Variants in HMCN2 observed in about 807,000 individuals in gnomAD.
The protein encoded by HMCN2 is hemicentin 2.
Under a neutral mutation model 377.5 loss-of-function variants are expected in HMCN2, and 325 were observed. The observed-to-expected ratio is 0.86, with a 90% CI of 0.79 to 0.94. The LOEUF (loss-of-function observed/expected upper bound fraction) is 0.94, where lower values mean the gene tolerates loss of function less well. Ranked by LOEUF, HMCN2 falls within the 40% of genes least tolerant of loss-of-function variation. The pLI, the probability that HMCN2 is intolerant of heterozygous loss-of-function variation, is 0.00. For synonymous variants in HMCN2, 2,007 were observed against 2,046.8 expected (o/e 0.98, Z 0.53); for missense variants, 4,543 against 4,725.3 (o/e 0.96, Z 1.13).
intron 14 of HMCN2, among the ~76,000 whole-genome samples, chr9:130,307,896 C>T (rs556097544): frequency 1.1e-4 from 17 of 152,170 alleles, no homozygotes; most frequent in East Asian, 1.9e-4. Flanking sequence ...AGGTTGGTTG[C>T]GTGAAGATTA....
intron 1 of HMCN2, among the ~76,000 whole-genome samples, chr9:130,278,008 AT>A (rs1834869419): frequency 2.2e-5 from 1 of 45,588 alleles, no homozygotes; most frequent in Non-Finnish European, 3.7e-5. Context: ...CACCACCACC[AT>A]CATCATCACC....
intron 72 of HMCN2, 32 bp downstream of exon 72, chr9:130,396,097 C>CCCCCCCCCAAA: frequency 1.6e-6 from 2 of 1,237,032 alleles, no homozygotes; most frequent in Non-Finnish European, 1.0e-6. Flanking sequence ...CCACCCTGCC[C>CCCCCCCCCAAA]ACCTTACCCC....
intron 48 of HMCN2, among the ~76,000 whole-genome samples, chr9:130,373,435 C>T (rs1042418902): frequency 2.0e-5 from 3 of 152,246 alleles, no homozygotes; most frequent in African/African-American, 7.2e-5. Flanking sequence ...CTTCCCTGTC[C>T]TAGCACTGAC....
chr9:130,403,935 C>A, intron 80 of HMCN2, 60 bp downstream of exon 80: 3 of 1,250,326 alleles, frequency 2.4e-6, no homozygotes, highest in Non-Finnish European at 3.1e-6. Flanking sequence ...GAGGCTTCTG[C>A]AAGCTTCTCC....
Position 130,309,969 on chromosome 9 carries a change from C to T in HMCN2, c.2258C>T (p.Pro753Leu), listed in dbSNP as rs375929663. The T allele has an allele frequency of 1.1e-4, 60 of 530,530 alleles. No homozygotes were observed. Among genetic ancestry groups the T allele is most frequent in the Non-Finnish European group, 1.8e-4 (46 of 258,270 alleles). 32.9% of individuals were successfully genotyped at this position (530,530 alleles called of 1,614,324 possible). ...TCCAGCTCTGGGAAGCTGCGGATCCCGGCGGCTCAGGAGAGGGATGCTGGC... is the reference window on the plus strand; with the variant it reads ...TCCAGCTCTGGGAAGCTGCGGATCCTGGCGGCTCAGGAGAGGGATGCTGGC... ...EGSSSGKLRI[P>L]AAQERDAGTY... The change falls in exon 15 of 98, where the codon CCG becomes CTG. Residue 753 changes from proline to leucine, a missense_variant. By Grantham distance (98) the Pro-to-Leu change is moderately conservative. Around this residue, in one of 5 missense-constraint regions of HMCN2, gnomAD observed 547 missense variants for 189.9 expected, o/e 2.88. Transcript: ENST00000683500.
Position 130,428,216 on chromosome 9 carries a change from T to C in HMCN2, c.14066-142T>C. The C allele has an allele frequency of 1.0e-6, 1 of 954,192 alleles. No individual in the cohort carries two copies. Among genetic ancestry groups the C allele is most frequent in the Non-Finnish European group, 1.5e-6 (1 of 674,916 alleles). 59.1% of individuals were successfully genotyped at this position (954,192 alleles called of 1,614,324 possible). ...TAGGGAGCAAGACAATGGAAAGAGC[T>C]AGCAGAAGGGGTGGGGACCTTCCTG... On this transcript the variant is annotated intron_variant, in intron 92 of 97. Coordinates refer to ENST00000683500, the MANE Select transcript of HMCN2 (RefSeq NM_001291815.2). The surrounding 1 kb of genome is among the most constrained non-coding windows in gnomAD (Gnocchi z 5.0).
chr9:130,367,323 G>T (rs11243726), intron 43 of HMCN2, among the ~76,000 whole-genome samples: 3,365 of 152,242 alleles, frequency 0.022, 42 homozygotes, highest in Middle Eastern at 0.061. Flanking sequence ...CTAGGAAGCA[G>T]CCTGGGAGTA....
At chr9:130,329,975 C>A (rs886103921) in intron 22 of HMCN2, among the ~76,000 whole-genome samples, 3,024 of 151,472 alleles carry the variant, frequency 0.02, 42 homozygotes, top group Middle Eastern at 0.038. Flanking sequence ...CCCCTCCCCC[C>A]CTTCCCTACA....
Position 130,360,453 on chromosome 9 carries a change from A to G in HMCN2, c.5799A>G (p.Gln1933=), listed in dbSNP as rs1011005142. 23 of 1,301,834 alleles carry G rather than the reference A, an allele frequency of 1.8e-5. No homozygotes were observed. The East Asian group carries it at 7.8e-4, about 44-fold the overall frequency. 80.6% of individuals were successfully genotyped at this position (1,301,834 alleles called of 1,614,324 possible). A position where few individuals can be genotyped will look rare whatever the true frequency, so the allele number is the denominator to read the frequency against. Residue 1933 remains glutamine, a synonymous_variant, in exon 38 of 98, where the codon CAA becomes CAG. Coordinates refer to ENST00000683500, the MANE Select transcript of HMCN2 (RefSeq NM_001291815.2). This position sits in a 1 kb window ranked among gnomAD's most constrained non-coding sequence, Gnocchi z 4.7. ...PPDVSWFKGH[Q]PVSSWMGVTV... ...ATGTCTCCTGGTTCAAGGGCCACCAACCTGTCTCTTCATGGATGGGAGTGA... is the reference window on the plus strand; with the variant it reads ...ATGTCTCCTGGTTCAAGGGCCACCAGCCTGTCTCTTCATGGATGGGAGTGA...
chr9:130,280,627 T>G (rs1410361129), intron 1 of HMCN2, among the ~76,000 whole-genome samples: 1 of 152,132 alleles, frequency 6.6e-6, no homozygotes, highest in East Asian at 1.9e-4. Flanking sequence ...TTCTGAAAAT[T>G]TGCTCACACT....
chr9:130,424,835 G>A lies in HMCN2; in HGVS notation c.13441G>A (p.Glu4481Lys). 6.6e-7 allele frequency: 1 copy of A among 1,511,960 alleles called. No individual in the cohort carries two copies. The highest frequency in any genetic ancestry group is 8.9e-7 in the Non-Finnish European group (1 of 1,125,776). 93.7% of individuals were successfully genotyped at this position (1,511,960 alleles called of 1,614,324 possible). A position where few individuals can be genotyped will look rare whatever the true frequency, so the allele number is the denominator to read the frequency against. Residue 4481 changes from glutamate to lysine, a missense_variant, in exon 88 of 98, where the codon GAG becomes AAG. By Grantham distance (56) the Glu-to-Lys change is moderately conservative. Around this residue, in one of 5 missense-constraint regions of HMCN2, gnomAD observed 1,155 missense variants for 1,157.7 expected, o/e 1.00. Transcript: ENST00000683500. ...IAPIYWALARESGEALNGHSL... is the reference protein window; with the variant it reads ...IAPIYWALARKSGEALNGHSL... ...CCCCATCTACTGGGCCCTGGCCAGA[G>A]AGAGTGGGGAAGCCCTGAATGGCCA... is the stretch of plus-strand genomic sequence containing the variant.
intron 46 of HMCN2, 147 bp from the exon 47 acceptor site, chr9:130,372,147 T>G (rs1258905602): frequency 6.3e-6 from 1 of 157,736 alleles, no homozygotes; most frequent in African/African-American, 2.4e-5. Flanking sequence ...GGGCCTCAGT[T>G]TGTGGATCTG....
At chr9:130,333,475 C>T (rs1047321700) in intron 22 of HMCN2, among the ~76,000 whole-genome samples, 3,199 of 152,294 alleles carry the variant, frequency 0.021, 41 homozygotes, top group Middle Eastern at 0.037. Context: ...CATCTGCGTG[C>T]GCCTCACTGC....
rs1177824222 is a variant in HMCN2, at chr9:130,308,408, G to A, written c.2200+842G>A. 1.3e-5 allele frequency among the ~76,000 whole-genome samples: 2 copies of A among 152,176 alleles called. No individual in the cohort carries two copies. The highest frequency in any genetic ancestry group is 2.4e-5 in the African/African-American group (1 of 41,438). On this transcript the variant is annotated intron_variant, in intron 14 of 97. Transcript: ENST00000683500. This position sits in a 1 kb window ranked among gnomAD's most constrained non-coding sequence, Gnocchi z 4.1. ...GAGGTCATGGGCAGAGCGTTTTCAC[G>A]GTGCCTGCTGCCAGGCTGGAGTTTG...
At chr9:130,413,738 C>T (rs1462946084) in intron 85 of HMCN2, among the ~76,000 whole-genome samples, 5 of 152,116 alleles carry the variant, frequency 3.3e-5, no homozygotes, top group South Asian at 2.1e-4. Context: ...CGCATGTGCA[C>T]GTGCGCACAC....
In HMCN2 at chr9:130,360,026, C is replaced by A. The variant is rs1246934870; in HGVS notation, c.5774-402C>A. 6.6e-6 allele frequency among the ~76,000 whole-genome samples: 1 copy of A among 152,072 alleles called. No individual in the cohort carries two copies. Among genetic ancestry groups the A allele is most frequent in the Non-Finnish European group, 1.5e-5 (1 of 67,968 alleles). On this transcript the variant is annotated intron_variant, in intron 37 of 97. Coordinates refer to ENST00000683500, the MANE Select transcript of HMCN2 (RefSeq NM_001291815.2). This position sits in a 1 kb window ranked among gnomAD's most constrained non-coding sequence, Gnocchi z 4.7. ...GGCTGGTCCATGTTCTCTAATGCCCCCTAGGGGACGGGGTCTTCTGGTAGG... is the reference window on the plus strand; with the variant it reads ...GGCTGGTCCATGTTCTCTAATGCCCACTAGGGGACGGGGTCTTCTGGTAGG...
chr9:130,282,028 T>G (rs1339928363), intron 1 of HMCN2, among the ~76,000 whole-genome samples: 1 of 152,256 alleles, frequency 6.6e-6, no homozygotes, highest in Non-Finnish European at 1.5e-5. Context: ...CATGTCATGT[T>G]AATTTCTTTT....
intron 74 of HMCN2, among the ~76,000 whole-genome samples, chr9:130,398,270 T>C (rs1392153148): frequency 2.0e-5 from 3 of 151,648 alleles, no homozygotes; most frequent in East Asian, 1.9e-4. Flanking sequence ...GAGAGGTTGC[T>C]GTGGTGGGCC....
intron 81 of HMCN2, among the ~76,000 whole-genome samples, chr9:130,405,409 T>G (rs1843045290): frequency 6.6e-6 from 1 of 152,230 alleles, no homozygotes; most frequent in Non-Finnish European, 1.5e-5. Flanking sequence ...TGGGGAGTGT[T>G]GAGCCAGGGG....
Sources: gnomAD v4.1 joint callset for allele counts (sites outside exome capture counted in the v4.1 genomes callset) on GRCh38, gnomAD v4.1.1 for gene constraint, gnomAD v4.1.1 regional missense constraint, Gnocchi (gnomAD v3.1) non-coding constraint, MANE v1.5 for transcripts, NCBI Gene and HGNC (gene_info 2026-07-23, HGNC 2026-07-21) for gene names.